Variants in SGCZ observed in about 807,000 individuals in gnomAD.
SGCZ encodes zeta-sarcoglycan.
Under a neutral mutation model 41.3 loss-of-function variants are expected in SGCZ, and 40 were observed. The ratio of observed to expected loss-of-function variants is 0.97; its 90% CI spans 0.75 to 1.26. The LOEUF is 1.26. Ranked by LOEUF, SGCZ falls within the 50% of genes most tolerant of loss-of-function variation. The pLI, the probability that SGCZ is intolerant of heterozygous loss-of-function variation, is 0.00. For missense variants in SGCZ, 552 were observed against 369.8 expected (o/e 1.49, Z -4.04); for synonymous variants, 206 against 137.5 (o/e 1.50, Z -3.49).
chr8:14,313,910 C>CTG (rs34489718), intron 3 of SGCZ, among the ~76,000 whole-genome samples: 1,751 of 144,856 alleles, frequency 0.012, 9 homozygotes, highest in Admixed American at 0.022. Flanking sequence ...TATCATCTCT[C>CTG]TGTGTGTGTG....
At chr8:14,943,251 G>C (rs1800335238) in intron 1 of SGCZ, among the ~76,000 whole-genome samples, 1 of 152,116 alleles carries the variant, frequency 6.6e-6, no homozygotes, top group Non-Finnish European at 1.5e-5. Context: ...TTCTGAAAAT[G>C]CGGCTATATA....
At chr8:14,273,784 G>A (rs567658560) in intron 3 of SGCZ, among the ~76,000 whole-genome samples, 1 of 152,138 alleles carries the variant, frequency 6.6e-6, no homozygotes, top group East Asian at 1.9e-4. Flanking sequence ...AAACTAATGA[G>A]CATCGTAATA....
intron 1 of SGCZ, among the ~76,000 whole-genome samples, chr8:15,179,707 G>T (rs1293504299): frequency 1.3e-5 from 2 of 152,104 alleles, no homozygotes; most frequent in East Asian, 1.9e-4. Flanking sequence ...AACAAAAAAG[G>T]ACAGCCTCCT....
intron 3 of SGCZ, among the ~76,000 whole-genome samples, chr8:14,311,536 C>T (rs534702388): frequency 6.6e-6 from 1 of 152,190 alleles, no homozygotes; most frequent in East Asian, 1.9e-4. Flanking sequence ...CACATAATCT[C>T]CATAACTATT....
chr8:14,731,661 C>A (rs901928077), intron 1 of SGCZ, among the ~76,000 whole-genome samples: 11 of 152,102 alleles, frequency 7.2e-5, no homozygotes, highest in South Asian at 2.1e-4. Context: ...CTCCTCCTAC[C>A]TTTTCTTCTC....
chr8:15,162,800 T>C (rs953406721), intron 1 of SGCZ, among the ~76,000 whole-genome samples: 2 of 152,240 alleles, frequency 1.3e-5, no homozygotes, highest in African/African-American at 4.8e-5. Context: ...AGAGTTCTAA[T>C]ACTTTATAGA....
At chr8:14,792,284 T>A (rs1416782769) in intron 1 of SGCZ, among the ~76,000 whole-genome samples, 1 of 152,216 alleles carries the variant, frequency 6.6e-6, no homozygotes, top group Non-Finnish European at 1.5e-5. Context: ...GATTTCAGAA[T>A]CTCTATAGAC....
intron 1 of SGCZ, among the ~76,000 whole-genome samples, chr8:15,233,599 T>C (rs1362958488): frequency 1.3e-5 from 2 of 152,064 alleles, no homozygotes; most frequent in African/African-American, 4.8e-5. Flanking sequence ...GTAGATGAAA[T>C]GTTGATTCAA....
At chr8:14,502,790 T>A (rs1226505406) in intron 2 of SGCZ, among the ~76,000 whole-genome samples, 5 of 152,066 alleles carry the variant, frequency 3.3e-5, no homozygotes, top group Admixed American at 3.3e-4. Flanking sequence ...CATTAAAAAG[T>A]CAAGAAAGAA....
chr8:15,206,168 C>T (rs1801055841), intron 1 of SGCZ, among the ~76,000 whole-genome samples: 2 of 152,146 alleles, frequency 1.3e-5, no homozygotes, highest in African/African-American at 2.4e-5. Context: ...CATATGTATG[C>T]CGGAACCTAA....
chr8:14,943,002 C>T (rs1482397612), intron 1 of SGCZ, among the ~76,000 whole-genome samples: 3 of 152,062 alleles, frequency 2.0e-5, no homozygotes, highest in South Asian at 2.1e-4. Context: ...TATTGAGACA[C>T]ATTCAACTCT....
chr8:14,775,588 A>C (rs2079421667), intron 1 of SGCZ, among the ~76,000 whole-genome samples: 1 of 152,060 alleles, frequency 6.6e-6, no homozygotes, highest in African/African-American at 2.4e-5. Flanking sequence ...TAATAAAAAT[A>C]TTATCAAACA....
chr8:14,438,140 C>A (rs1214774775), intron 2 of SGCZ, among the ~76,000 whole-genome samples: 1 of 151,832 alleles, frequency 6.6e-6, no homozygotes, highest in Non-Finnish European at 1.5e-5. Context: ...TAAAGGAACA[C>A]AATAGCTGTT....
chr8:15,104,037 T>G (rs990010279), intron 1 of SGCZ, among the ~76,000 whole-genome samples: 1 of 152,170 alleles, frequency 6.6e-6, no homozygotes, highest in South Asian at 2.1e-4. Flanking sequence ...TTCTCCCAAA[T>G]CTAGACAACC....
intron 4 of SGCZ, among the ~76,000 whole-genome samples, chr8:14,187,310 T>C (rs954749926): frequency 1.3e-5 from 2 of 152,196 alleles, no homozygotes; most frequent in South Asian, 4.1e-4. Context: ...ATGAGATAAA[T>C]GTTTTAAAAA....
intron 1 of SGCZ, among the ~76,000 whole-genome samples, chr8:15,101,210 C>A (rs1322236229): frequency 6.6e-6 from 1 of 151,960 alleles, no homozygotes; most frequent in Non-Finnish European, 1.5e-5. Flanking sequence ...TTGAACACAC[C>A]AAATGTATAA....
intron 3 of SGCZ, among the ~76,000 whole-genome samples, chr8:14,274,903 T>G (rs978609236): frequency 6.6e-6 from 1 of 152,140 alleles, no homozygotes; most frequent in Non-Finnish European, 1.5e-5. Flanking sequence ...ATTGTGACCC[T>G]ACATTCATTT....
At chr8:14,129,699 A>T (rs1415856575) in intron 5 of SGCZ, among the ~76,000 whole-genome samples, 4 of 152,048 alleles carry the variant, frequency 2.6e-5, no homozygotes, top group East Asian at 3.8e-4. Flanking sequence ...ATTAAAAAAA[A>T]TCAAAAAAGA....
At chr8:14,605,859 T>G (rs1355302) in intron 1 of SGCZ, among the ~76,000 whole-genome samples, 1 of 152,016 alleles carries the variant, frequency 6.6e-6, no homozygotes, top group Non-Finnish European at 1.5e-5. Context: ...GATGAGGGAA[T>G]GAGATGGCTC....
Sources: allele counts gnomAD v4.1 joint callset (sites outside exome capture counted in the v4.1 genomes callset), GRCh38; gene constraint gnomAD v4.1.1; transcripts MANE v1.5; gene names NCBI Gene and HGNC (gene_info 2026-07-23, HGNC 2026-07-21).